PCDHA6: variants seen among roughly 807,000 people sequenced by gnomAD.
The protein encoded by PCDHA6 is protocadherin alpha 6.
PCDHA6 carries 55 observed loss-of-function variants against 60.3 expected under a neutral mutation model. The observed-to-expected ratio is 0.91, with a 90% CI of 0.73 to 1.14. PCDHA6 has a LOEUF of 1.14. PCDHA6 is among the 50% of genes most tolerant of loss of function. The probability of loss-of-function intolerance (pLI) is 0.00; values close to 1 mark genes in which losing one functional copy is unlikely to be tolerated. For missense variants in PCDHA6, 1,327 were observed against 1,256.5 expected (o/e 1.06, Z -0.85); for synonymous variants, 652 against 557.9 (o/e 1.17, Z -2.38).
chr5:140,854,281 A>C, intron 1 of PCDHA6: 2 of 533,292 alleles, frequency 3.8e-6, no homozygotes, highest in Non-Finnish European at 4.8e-6. Context: ...AATTGAGTTT[A>C]GTTTTTATTA....
intron 1 of PCDHA6, among the ~76,000 whole-genome samples, chr5:140,964,997 T>C (rs144251011): frequency 3.9e-5 from 6 of 152,316 alleles, no homozygotes; most frequent in African/African-American, 1.4e-4. Context: ...CTTTGAATTC[T>C]GGGTGTCAGG....
Position 141,000,361 on chromosome 5 carries a change from G to GTCTCTCTC in PCDHA6, c.2543-9238_2543-9231dup, listed in dbSNP as rs148596731. 4.9e-4 allele frequency among the ~76,000 whole-genome samples: 13 copies of GTCTCTCTC among 26,444 alleles called. No individual in the cohort carries two copies. In the East Asian group the frequency reaches 6.3e-3, roughly 13 times the overall value. The allele number at this position is 26,444 out of a possible 152,430, so 17.3% of individuals were successfully genotyped here. A position where few individuals can be genotyped will look rare whatever the true frequency, so the allele number is the denominator to read the frequency against. ...CCTATCTCTCTCTCTGTCTCTCTCT[G>GTCTCTCTC]TCTCTCTCTCTCTCTCTCTCTCTCT... is the stretch of plus-strand genomic sequence containing the variant. On this transcript the variant is annotated intron_variant, in intron 3 of 3. Coordinates refer to ENST00000529310, the MANE Select transcript of PCDHA6 (RefSeq NM_018909.4).
chr5:140,862,497 A>G (rs1337501785), intron 1 of PCDHA6: 1 of 394,588 alleles, frequency 2.5e-6, no homozygotes, highest in Non-Finnish European at 5.1e-6. Flanking sequence ...ATCGCTCGGA[A>G]TGGGGACTCG....
intron 3 of PCDHA6, among the ~76,000 whole-genome samples, chr5:140,984,769 C>T (rs145432187): frequency 1.3e-5 from 2 of 152,194 alleles, no homozygotes; most frequent in African/African-American, 2.4e-5. Context: ...TAATCCCAAG[C>T]TTACTTGCTG....
At position 140,828,238 on chromosome 5, in the gene PCDHA6, G is replaced by T. The variant is rs782682272; in HGVS notation, c.147G>T (p.Ala49=). ...ACGGCACCTTCGTGGGCCGGATCGC[G>T]CAGGACCTGGGGCTGGAGCTGGCGG... The part of the protein sequence containing the change: ...AKHGTFVGRI[A]QDLGLELAEL... The change falls in exon 1 of 4, where the codon GCG becomes GCT. Residue 49 remains alanine, a synonymous_variant. Transcript: ENST00000529310. 3.7e-6 allele frequency: 6 copies of T among 1,613,818 alleles called. No homozygotes were observed. The highest frequency in any genetic ancestry group is 2.7e-5 in the African/African-American group (2 of 74,954).
intron 1 of PCDHA6, chr5:140,841,348 G>A: frequency 6.2e-7 from 1 of 1,612,736 alleles, no homozygotes; most frequent in Non-Finnish European, 8.5e-7. Context: ...GAGGAGAGCT[G>A]GGATCCTGGC....
intron 1 of PCDHA6, among the ~76,000 whole-genome samples, chr5:140,903,809 G>A (rs1004701576): frequency 2.0e-5 from 3 of 152,080 alleles, no homozygotes; most frequent in African/African-American, 7.2e-5. Flanking sequence ...GACAAGTATA[G>A]TTCTCACATG....
chr5:140,856,580 G>A lies in PCDHA6; in HGVS notation c.2394+26095G>A, dbSNP rs537848812. 23 of 1,597,760 alleles carry A rather than the reference G, an allele frequency of 1.4e-5. 2 individuals carry two copies. In the South Asian group the frequency reaches 2.5e-4, roughly 18 times the overall value. On this transcript the variant is annotated intron_variant, in intron 1 of 3. Coordinates refer to ENST00000529310, the MANE Select transcript of PCDHA6 (RefSeq NM_018909.4). ...CAAACTCAGTCCAAATGAGTATTTT[G>A]TTCTTGATATTATAAACAAAAAAGA...
intron 1 of PCDHA6, chr5:140,884,353 T>C: frequency 1.2e-6 from 2 of 1,613,886 alleles, no homozygotes; most frequent in Non-Finnish European, 1.7e-6. Context: ...CGCTGGTGGA[T>C]GTCAATGTTT....
chr5:140,949,961 G>A lies in PCDHA6; in HGVS notation c.2395-28988G>A, dbSNP rs373865946. ...TTGCATTTTTTAGTGGTTGCTGTAA[G>A]GATTACAGCATACATACTTAACTTT... On this transcript the variant is annotated intron_variant, in intron 1 of 3. Transcript: ENST00000529310. Among the ~76,000 whole-genome samples, 68 of 151,658 alleles carry A rather than the reference G, an allele frequency of 4.5e-4. 1 individual carries two copies. The East Asian group carries it at 0.012, about 28-fold the overall frequency.
chr5:140,999,985 G>T (rs1451778210), intron 3 of PCDHA6, among the ~76,000 whole-genome samples: 1 of 152,022 alleles, frequency 6.6e-6, no homozygotes, highest in African/African-American at 2.4e-5. Context: ...AGCGGCCTCT[G>T]GGTAGTGGTA....
At chr5:140,849,996 G>A (rs2150462323) in intron 1 of PCDHA6, 4 of 1,597,014 alleles carry the variant, frequency 2.5e-6, no homozygotes, top group African/African-American at 2.7e-5. Flanking sequence ...GCGGTTGGGC[G>A]AGCGCTCGCT....
chr5:140,849,574 A>G (rs2150440972), intron 1 of PCDHA6: 1 of 1,598,696 alleles, frequency 6.3e-7, no homozygotes, highest in East Asian at 2.2e-5. Context: ...GTTCCTGTAA[A>G]AGAGGACGCA....
At chr5:140,835,891 C>G in intron 1 of PCDHA6, 1 of 1,611,968 alleles carries the variant, frequency 6.2e-7, no homozygotes, top group African/African-American at 1.3e-5. Flanking sequence ...GGCGAGCGCG[C>G]GCTGTCGAGC....
At chr5:140,943,257 CAA>C (rs1238620023) in intron 1 of PCDHA6, among the ~76,000 whole-genome samples, 5 of 77,564 alleles carry the variant, frequency 6.4e-5, no homozygotes, top group Non-Finnish European at 2.5e-5. Flanking sequence ...GACTCTGTCT[CAA>C]AAAAAAAAAA....
At position 140,828,948 on chromosome 5, in the gene PCDHA6, C is replaced by G; in HGVS notation, c.857C>G (p.Ala286Gly). 1 of 1,614,170 alleles carries G rather than the reference C, an allele frequency of 6.2e-7. No individual in the cohort carries two copies. The highest frequency in any genetic ancestry group is 8.5e-7 in the Non-Finnish European group (1 of 1,180,002). The change falls in exon 1 of 4, where the codon GCA becomes GGA. Residue 286 changes from alanine (A) to glycine (G), a missense_variant. Transcript: ENST00000529310. The stretch of plus-strand genomic sequence containing the variant: ...TCATATTCTTTTAATAGCCTTGTTG[C>G]AGCCATGGTTATTGACCACTTTAGC... ...AISYSFNSLV[A>G]AMVIDHFSID...
intron 1 of PCDHA6, chr5:140,871,022 A>G (rs2052630009): frequency 6.2e-7 from 1 of 1,613,114 alleles, no homozygotes; most frequent in African/African-American, 1.3e-5. Context: ...GACGAGGCAG[A>G]CTCGCCGCGC....
intron 3 of PCDHA6, chr5:140,988,920 AACAAC>A (rs1245893791): frequency 6.6e-6 from 1 of 152,174 alleles, no homozygotes; most frequent in Non-Finnish European, 1.5e-5. Context: ...AGGAGAATAG[AACAAC>A]ACTGTTCTCT....
chr5:140,938,298 A>G (rs549354760), intron 1 of PCDHA6, among the ~76,000 whole-genome samples: 4 of 152,350 alleles, frequency 2.6e-5, no homozygotes, highest in African/African-American at 7.2e-5. Context: ...ATTGCCTATG[A>G]AATTCAGTAT....
Sources: allele counts gnomAD v4.1 joint callset (sites outside exome capture counted in the v4.1 genomes callset), GRCh38; gene constraint gnomAD v4.1.1; transcripts MANE v1.5; gene names NCBI Gene and HGNC (gene_info 2026-07-23, HGNC 2026-07-21).